Variants in BBOF1 observed in about 807,000 individuals in gnomAD.
BBOF1 encodes basal body orientation factor 1.
Under a neutral mutation model 68.0 loss-of-function variants are expected in BBOF1, and 62 were observed. That is an observed-to-expected ratio of 0.91 (90% CI 0.74 to 1.13). The LOEUF is 1.13. Ranked by LOEUF, BBOF1 falls within the 50% of genes most tolerant of loss-of-function variation. The pLI is 0.00. For missense variants in BBOF1, 534 were observed against 600.1 expected, an observed-to-expected ratio of 0.89 and a Z score of 1.15; for synonymous variants, 208 against 198.8, an observed-to-expected ratio of 1.05 and a Z score of -0.39.
At chr14:74,057,308 C>T in intron 11 of BBOF1, 50 bp downstream of exon 11, 1 of 1,612,316 alleles carries the variant, frequency 6.2e-7, no homozygotes, top group South Asian at 1.1e-5. Flanking sequence ...TCACCCTTCC[C>T]CATGTCGCTT....
intron 4 of BBOF1, among the ~76,000 whole-genome samples, chr14:74,035,862 A>C (rs2059687494): frequency 6.6e-6 from 1 of 152,072 alleles, no homozygotes; most frequent in Admixed American, 6.6e-5. Flanking sequence ...AAAGTCACAT[A>C]GCATTACTTC....
In BBOF1 at chr14:74,049,994, T is replaced by C; in HGVS notation, c.1085T>C (p.Phe362Ser). The C allele has an allele frequency of 6.2e-7, 1 of 1,614,152 alleles. No individual in the cohort carries two copies. The highest frequency in any genetic ancestry group is 8.5e-7 in the Non-Finnish European group (1 of 1,180,048). Residue 362 changes from phenylalanine to serine, a missense_variant, in exon 8 of 12, where the codon TTC (phenylalanine) becomes TCC (serine). Coordinates refer to ENST00000394009, the MANE Select transcript of BBOF1 (RefSeq NM_025057.3). The part of the protein sequence containing the change: ...ILDERTEVER[F>S]FLDALHQVKQ... Reference sequence around the variant, plus strand: ...GATGAGAGAACAGAAGTGGAAAGATTCTTTTTAGATGCTCTGCACCAAGTG... The same window carrying C: ...GATGAGAGAACAGAAGTGGAAAGATCCTTTTTAGATGCTCTGCACCAAGTG...
chr14:74,046,074 A>G lies in BBOF1; in HGVS notation c.591A>G (p.Gln197=), dbSNP rs779530578. The G allele has an allele frequency of 1.9e-6, 3 of 1,608,360 alleles. No homozygotes were observed. Among genetic ancestry groups the G allele is most frequent in the Admixed American group, 1.7e-5 (1 of 59,060 alleles). ...RFFEEKHRLE[Q]EAEKKIIMLA... ...TTCTTTTTTAGCACCGACTAGAACA[A>G]GAGGCTGAAAAGAAGATAATAATGC... The change falls in exon 6 of 12, where the codon CAA becomes CAG. Residue 197 remains glutamine (Q), a synonymous_variant. Transcript: ENST00000394009.
intron 9 of BBOF1, among the ~76,000 whole-genome samples, chr14:74,074,288 A>ATTT (rs35478388): frequency 1.5e-5 from 2 of 130,184 alleles, no homozygotes; most frequent in Admixed American, 7.8e-5. Flanking sequence ...CTTTCACTAA[A>ATTT]TTTTTTTTTT....
At chr14:74,038,501 T>G (rs749339555) in intron 4 of BBOF1, among the ~76,000 whole-genome samples, 1 of 152,158 alleles carries the variant, frequency 6.6e-6, no homozygotes, top group East Asian at 1.9e-4. Context: ...TCAAAAGATA[T>G]TGGCTTATGG....
At chr14:74,057,992 C>A in intron 11 of BBOF1, 1 of 791,584 alleles carries the variant, frequency 1.3e-6, no homozygotes, top group Non-Finnish European at 1.5e-6. Flanking sequence ...ACAATAATGA[C>A]CTTTTATTTA....
At chr14:74,032,118 A>ATTTTTTTTTTTTTT in intron 3 of BBOF1, among the ~76,000 whole-genome samples, 2 of 99,678 alleles carry the variant, frequency 2.0e-5, no homozygotes, top group Non-Finnish European at 3.9e-5. Flanking sequence ...CTCAAAGTTG[A>ATTTTTTTTTTTTTT]TTTTTTTTTT....
chr14:74,064,953 G>T lies in BBOF1; in HGVS notation c.*254G>T, dbSNP rs1489437277. 6.3e-7 allele frequency: 1 copy of T among 1,585,964 alleles called. No homozygotes were observed. The highest frequency in any genetic ancestry group is 8.6e-7 in the Non-Finnish European group (1 of 1,156,680). On this transcript the variant is annotated 3_prime_UTR_variant, in exon 12 of 12. Transcript: ENST00000394009. ...AGAACAAATCCGTGTCATATCCTAAGGACAAAGGAACTCTCCATTTAGAAA... is the reference window on the plus strand; with the variant it reads ...AGAACAAATCCGTGTCATATCCTAATGACAAAGGAACTCTCCATTTAGAAA...
chr14:74,049,830 G>A lies in BBOF1; in HGVS notation c.921G>A (p.Glu307=). ...TALSYMTKEF[E]SEVLKLQQHA... ...TGAGTTACATGACCAAAGAGTTTGA[G>A]AGTGAAGTTTTAAAACTGCAGCAAC... The change falls in exon 8 of 12, where the codon GAG becomes GAA. Residue 307 remains glutamate (E), a synonymous_variant. Transcript: ENST00000394009. 1 of 1,614,196 alleles carries A rather than the reference G, an allele frequency of 6.2e-7. No homozygotes were observed. The highest frequency in any genetic ancestry group is 1.1e-5 in the South Asian group (1 of 91,082).
At chr14:74,019,564 T>G in intron 1 of BBOF1, 30 bp downstream of exon 1, 1 of 1,568,508 alleles carries the variant, frequency 6.4e-7, no homozygotes, top group Non-Finnish European at 8.6e-7. Flanking sequence ...GAGTCCCCTC[T>G]CCCTGGGCCT....
rs2059988477 is a variant in BBOF1, at chr14:74,047,989, T to C, written c.707T>C (p.Leu236Pro). Residue 236 changes from leucine (L) to proline (P), a missense_variant, in exon 7 of 12, where the codon CTG (leucine) becomes CCG (proline). Physicochemically the swap from Leu to Pro is moderately conservative, Grantham distance 98. Coordinates refer to ENST00000394009, the MANE Select transcript of BBOF1 (RefSeq NM_025057.3). ...GAGAATGATTATCTTCAGAAAGCTCTGGCATATCACCTGAAGGAAACTGAC... is the reference window on the plus strand; with the variant it reads ...GAGAATGATTATCTTCAGAAAGCTCCGGCATATCACCTGAAGGAAACTGAC... ...FKENDYLQKA[L>P]AYHLKETDAL... 8.1e-6 allele frequency: 13 copies of C among 1,613,162 alleles called. No homozygotes were observed. Among genetic ancestry groups the C allele is most frequent in the Non-Finnish European group, 1.1e-5 (13 of 1,179,516 alleles).
intron 1 of BBOF1, among the ~76,000 whole-genome samples, chr14:74,021,322 G>A (rs141369765): frequency 1.6e-4 from 24 of 152,084 alleles, no homozygotes; most frequent in African/African-American, 5.8e-4. Flanking sequence ...GTGGGGCATC[G>A]TGGCTCATGC....
intron 11 of BBOF1, 60 bp from the exon 12 acceptor site, chr14:74,064,628 T>C (rs1410929126): frequency 6.4e-7 from 1 of 1,556,986 alleles, no homozygotes; most frequent in African/African-American, 1.4e-5. Flanking sequence ...TTTGTTGCTT[T>C]GAATTATTCA....
At chr14:74,073,711 G>A (rs998569805) in intron 9 of BBOF1, among the ~76,000 whole-genome samples, 2 of 151,884 alleles carry the variant, frequency 1.3e-5, no homozygotes, top group African/African-American at 4.8e-5. Flanking sequence ...GAAGTCAGGA[G>A]TTCTAGACCA....
At chr14:74,081,718 T>A (rs1276257575) in intron 12 of BBOF1, among the ~76,000 whole-genome samples, 1 of 152,200 alleles carries the variant, frequency 6.6e-6, no homozygotes, top group East Asian at 1.9e-4. Flanking sequence ...GTCCCCACAG[T>A]ATCCCAGATA....
chr14:74,055,004 T>G (rs924831486), intron 8 of BBOF1: 1 of 153,312 alleles, frequency 6.5e-6, no homozygotes, highest in Non-Finnish European at 1.5e-5. Flanking sequence ...CCTTAATGTC[T>G]GAGCACAAAT....
intron 11 of BBOF1, 131 bp from the exon 12 acceptor site, chr14:74,064,557 C>A: frequency 1.2e-6 from 1 of 808,360 alleles, no homozygotes; most frequent in South Asian, 1.4e-5. Context: ...GGAAGAGGGT[C>A]ACACACTCAG....
chr14:74,052,063 A>G lies in BBOF1; in HGVS notation c.1286+1868A>G, dbSNP rs117640020. ...CTTGTCATATTCAGAAATCTGTAAT[A>G]CTACTACTGTTACCAAGAGATTTGC... On this transcript the variant is annotated intron_variant, in intron 8 of 11. Coordinates refer to ENST00000394009, the MANE Select transcript of BBOF1 (RefSeq NM_025057.3). 6.2e-3 allele frequency among the ~76,000 whole-genome samples: 938 copies of G among 151,974 alleles called. 11 individuals are homozygous for G. Among genetic ancestry groups the G allele is most frequent in the Non-Finnish European group, 9.5e-3 (647 of 68,036 alleles).
chr14:74,033,075 C>T (rs1227238422), intron 3 of BBOF1, among the ~76,000 whole-genome samples: 1 of 152,080 alleles, frequency 6.6e-6, no homozygotes, highest in Non-Finnish European at 1.5e-5. Flanking sequence ...TTACCACACT[C>T]CCTTTGACTC....
Sources: gnomAD v4.1 joint callset for allele counts (sites outside exome capture counted in the v4.1 genomes callset) on GRCh38, gnomAD v4.1.1 for gene constraint, MANE v1.5 for transcripts, NCBI Gene and HGNC (gene_info 2026-07-23, HGNC 2026-07-21) for gene names.